LMNTD1: variants seen among roughly 807,000 people sequenced by gnomAD.
The protein encoded by LMNTD1 is lamin tail domain-containing protein 1.
A neutral mutation model predicts 50.9 loss-of-function variants in LMNTD1; 35 were observed. The observed-to-expected ratio is 0.69, with a 90% CI of 0.53 to 0.91. The LOEUF (loss-of-function observed/expected upper bound fraction) is 0.91. Ranked by LOEUF, LMNTD1 falls within the 40% of genes least tolerant of loss-of-function variation. LMNTD1 has a pLI of 0.00. For missense variants in LMNTD1, 470 were observed against 475.5 expected (o/e 0.99, Z 0.11); for synonymous variants, 153 against 161.9 (o/e 0.94, Z 0.42).
In LMNTD1 at chr12:25,574,776, T is replaced by C. The variant is rs188462767; in HGVS notation, c.59-28222A>G. Among the ~76,000 whole-genome samples the C allele has an allele frequency of 1.1e-3, 165 of 152,268 alleles. 1 individual carries two copies. Among genetic ancestry groups the C allele is most frequent in the African/African-American group, 3.9e-3 (162 of 41,540 alleles). On this transcript the variant is annotated intron_variant, in intron 1 of 7. Transcript: ENST00000445693. ...ATCGTTTATTGAGCATCTTTATTCC[T>C]TCTCCAGTGCACAGAATAGACACCT...
intron 4 of LMNTD1, among the ~76,000 whole-genome samples, chr12:25,537,146 G>A (rs1020592712): frequency 1.3e-5 from 2 of 152,186 alleles, no homozygotes; most frequent in African/African-American, 2.4e-5. Flanking sequence ...AGCGAGGCTG[G>A]GGGAGGGGCG....
intron 1 of LMNTD1, among the ~76,000 whole-genome samples, chr12:25,583,856 A>G (rs1406020903): frequency 6.6e-6 from 1 of 152,210 alleles, no homozygotes; most frequent in East Asian, 1.9e-4. Context: ...GAGAGAAGGA[A>G]AATCACAAGC....
At chr12:25,567,041 G>A (rs544333918) in intron 1 of LMNTD1, among the ~76,000 whole-genome samples, 1 of 152,236 alleles carries the variant, frequency 6.6e-6, no homozygotes, top group East Asian at 1.9e-4. Context: ...CTTTCACTAG[G>A]AACAGAAAAG....
At chr12:25,480,320 CACA>C (rs1302523975) in intron 9 of LMNTD1, among the ~76,000 whole-genome samples, 1 of 152,180 alleles carries the variant, frequency 6.6e-6, no homozygotes, top group Non-Finnish European at 1.5e-5. Flanking sequence ...ATCTTGTTCT[CACA>C]ACATCAGTAT....
intron 4 of LMNTD1, among the ~76,000 whole-genome samples, chr12:25,536,027 G>A (rs1183107440): frequency 2.0e-5 from 3 of 152,128 alleles, no homozygotes; most frequent in South Asian, 2.1e-4. Flanking sequence ...TCAGAAGGAT[G>A]TAACATTCCT....
At chr12:25,583,996 A>G (rs1469656682) in intron 1 of LMNTD1, among the ~76,000 whole-genome samples, 4 of 152,208 alleles carry the variant, frequency 2.6e-5, no homozygotes, top group Admixed American at 2.0e-4. Context: ...TCCATCATCC[A>G]GGGAGAGCCT....
chr12:25,549,358 A>G lies in LMNTD1; in HGVS notation c.278T>C (p.Val93Ala). The G allele has an allele frequency of 6.2e-7, 1 of 1,610,624 alleles. No homozygotes were observed. The highest frequency in any genetic ancestry group is 8.5e-7 in the Non-Finnish European group (1 of 1,177,558). The change falls in exon 3 of 10, where the codon GTA becomes GCA. Residue 93 changes from valine (V) to alanine (A), a missense_variant. Val to Ala is a moderately conservative substitution (Grantham distance 64). Coordinates refer to ENST00000458174, the MANE Select transcript of LMNTD1 (RefSeq NM_001145728.2). ...GTTTTCCACTCTGGAACAGCTACCT[A>G]CAGTAGCTTTAGAAGTCAATTGTCC... ...TTGQLTSKAT[V>A]GSCSRVENSL... is the part of the protein sequence containing the mutation.
intron 1 of LMNTD1, among the ~76,000 whole-genome samples, chr12:25,563,596 A>T (rs1300804185): frequency 2.0e-5 from 3 of 152,178 alleles, no homozygotes; most frequent in African/African-American, 4.8e-5. Context: ...GGGGTCAGGG[A>T]CCCACTTGAG....
Position 25,578,146 on chromosome 12 carries a change from A to C in LMNTD1, c.59-31592T>G, listed in dbSNP as rs11048119. Among the ~76,000 whole-genome samples the C allele has an allele frequency of 0.015, 2,292 of 152,330 alleles. 292 individuals carry two copies. The East Asian group carries it at 0.33, about 22-fold the overall frequency. On this transcript the variant is annotated intron_variant, in intron 1 of 7. Coordinates refer to the LMNTD1 transcript ENST00000445693. ...TATGTTATAGGGTACACATGTGCAC[A>C]CATGCACACACACACACACTTTAAG... is the stretch of plus-strand genomic sequence containing the variant.
chr12:25,537,181 G>C (rs1377898043), intron 4 of LMNTD1, among the ~76,000 whole-genome samples: 1 of 152,220 alleles, frequency 6.6e-6, no homozygotes, highest in African/African-American at 2.4e-5. Context: ...GGCTTGCTTA[G>C]GTAAACAAAG....
chr12:25,532,690 A>C (rs1379835117), intron 4 of LMNTD1, among the ~76,000 whole-genome samples: 1 of 152,112 alleles, frequency 6.6e-6, no homozygotes, highest in East Asian at 1.9e-4. Flanking sequence ...TTTTTTACAG[A>C]GGTTCACTTT....
intron 3 of LMNTD1, 96 bp from the exon 4 acceptor site, chr12:25,546,650 C>T (rs1028269585): frequency 6.1e-6 from 4 of 660,714 alleles, no homozygotes; most frequent in African/African-American, 3.8e-5. Context: ...TCTGCTTCTA[C>T]AAAATTATAT....
At chr12:25,567,296 T>G (rs1944593074) in intron 1 of LMNTD1, among the ~76,000 whole-genome samples, 1 of 152,198 alleles carries the variant, frequency 6.6e-6, no homozygotes. Context: ...TTCTTAGTGT[T>G]TATTGTTGTA....
At position 25,552,951 on chromosome 12, in the gene LMNTD1, A is replaced by G; in HGVS notation, c.9T>C (p.Asp3=). ...TCGAAGCTTCCTGAATGTCTTGTGT[A>G]TCTTTCATCTTGGCTAGAAAAGAAG... MK[D]TQDIQEASKA... Residue 3 remains aspartate, a synonymous_variant, in exon 2 of 10, where the codon GAT becomes GAC. Coordinates refer to ENST00000458174, the MANE Select transcript of LMNTD1 (RefSeq NM_001145728.2). The G allele has an allele frequency of 1.3e-6, 2 of 1,582,470 alleles. No homozygotes were observed. The highest frequency in any genetic ancestry group is 1.7e-6 in the Non-Finnish European group (2 of 1,162,722).
intron 1 of LMNTD1, among the ~76,000 whole-genome samples, chr12:25,605,720 G>A (rs1946085245): frequency 6.6e-6 from 1 of 152,172 alleles, no homozygotes; most frequent in African/African-American, 2.4e-5. Context: ...TTTGGTACCA[G>A]TACCATTCTG....
At chr12:25,644,429 G>T (rs1947021413) in intron 1 of LMNTD1, among the ~76,000 whole-genome samples, 1 of 151,924 alleles carries the variant, frequency 6.6e-6, no homozygotes, top group Admixed American at 6.6e-5. Context: ...AGGCTGCAGG[G>T]TGCTGCCACT....
At chr12:25,598,269 A>C in intron 1 of LMNTD1, among the ~76,000 whole-genome samples, 1 of 152,162 alleles carries the variant, frequency 6.6e-6, no homozygotes, top group East Asian at 1.9e-4. Context: ...CAGTGGGTCA[A>C]TAAAGAAATT....
At chr12:25,637,580 A>T (rs1457479896) in intron 1 of LMNTD1, among the ~76,000 whole-genome samples, 1 of 152,164 alleles carries the variant, frequency 6.6e-6, no homozygotes, top group African/African-American at 2.4e-5. Flanking sequence ...AAAGAGAAAA[A>T]AAATGAAGAA....
intron 9 of LMNTD1, among the ~76,000 whole-genome samples, chr12:25,488,350 C>T (rs1423931439): frequency 6.2e-5 from 7 of 113,728 alleles, no homozygotes; most frequent in African/African-American, 2.0e-4. Flanking sequence ...TCTTTTTTCT[C>T]TAAACTTCCC....
Sources: allele counts gnomAD v4.1 joint callset (sites outside exome capture counted in the v4.1 genomes callset), GRCh38; gene constraint gnomAD v4.1.1; transcripts MANE v1.5; gene names NCBI Gene and HGNC (gene_info 2026-07-23, HGNC 2026-07-21).